Variants in EFR3A observed in about 807,000 individuals in gnomAD.
EFR3A encodes protein EFR3 homolog A.
In EFR3A, 76 loss-of-function variants were observed where a neutral mutation model predicts 104.4. The observed-to-expected ratio is 0.73, with a 90% CI of 0.60 to 0.88. The LOEUF (loss-of-function observed/expected upper bound fraction) is 0.88, where lower values mean the gene tolerates loss of function less well. EFR3A is among the 40% of genes least tolerant of loss of function. EFR3A has a pLI of 0.00. For missense variants in EFR3A, 985 were observed against 1,012.5 expected, an observed-to-expected ratio of 0.97 and a Z score of 0.37; for synonymous variants, 330 against 330.0, an observed-to-expected ratio of 1.00 and a Z score of 0.00.
rs1320111303 is a variant in EFR3A at position 132,012,029 on chromosome 8, A to G, written c.*1134A>G. ...CTCTACACATAACACTGACAGACCC[A>G]TAACATTACATACATCTTAGTGAAT... On this transcript the variant is annotated 3_prime_UTR_variant, in exon 23 of 23. Transcript: ENST00000254624. 6.6e-6 allele frequency: 1 copy of G among 152,154 alleles called. No individual in the cohort carries two copies. Among genetic ancestry groups the G allele is most frequent in the South Asian group, 2.1e-4 (1 of 4,832 alleles). The allele number at this position is 152,154 out of a possible 1,614,324, so 9.4% of individuals were successfully genotyped here. A position where few individuals can be genotyped will look rare whatever the true frequency, so the allele number is the denominator to read the frequency against.
chr8:131,975,608 G>A (rs1313398544), intron 10 of EFR3A, among the ~76,000 whole-genome samples: 1 of 151,710 alleles, frequency 6.6e-6, no homozygotes, highest in Non-Finnish European at 1.5e-5. Flanking sequence ...TAGAGACGAG[G>A]TTTCACCATG....
chr8:131,984,084 T>C (rs1820750967), intron 14 of EFR3A, 55 bp from the exon 15 acceptor site: 1 of 1,504,732 alleles, frequency 6.6e-7, no homozygotes, highest in African/African-American at 1.4e-5. Flanking sequence ...ATGTGAAATC[T>C]GCCTTTTCTA....
intron 1 of EFR3A, chr8:131,924,304 T>C: frequency 4.3e-6 from 1 of 232,052 alleles, no homozygotes; most frequent in South Asian, 4.1e-5. Flanking sequence ...TTAATATAAT[T>C]AATTTTTTCA....
chr8:131,912,792 T>C lies in EFR3A; in HGVS notation c.10+8470T>C, dbSNP rs116254381. 8.8e-3 allele frequency among the ~76,000 whole-genome samples: 1,337 copies of C among 152,314 alleles called. 23 individuals are homozygous for C. Among genetic ancestry groups the C allele is most frequent in the African/African-American group, 0.03 (1,264 of 41,586 alleles). On this transcript the variant is annotated intron_variant, in intron 1 of 22. Coordinates refer to ENST00000254624, the MANE Select transcript of EFR3A (RefSeq NM_015137.6). ...GACATGTTAAAATGCTGCTTTGAAC[T>C]GGTTTTTCTTTAGCCTGTAGAAAAG...
intron 19 of EFR3A, among the ~76,000 whole-genome samples, chr8:131,999,497 GATTATA>G (rs1447541504): frequency 6.6e-6 from 1 of 152,202 alleles, no homozygotes; most frequent in East Asian, 1.9e-4. Flanking sequence ...AAAAGTCATA[GATTATA>G]AAGGGAATGT....
chr8:131,993,277 A>G (rs777624480), intron 18 of EFR3A, among the ~76,000 whole-genome samples: 6 of 152,214 alleles, frequency 3.9e-5, no homozygotes, highest in Non-Finnish European at 7.3e-5. Flanking sequence ...GACTCGCTGT[A>G]CATAACTATA....
chr8:131,977,122 A>G lies in EFR3A; in HGVS notation c.1326+30A>G, dbSNP rs191508203. 324 of 1,519,132 alleles carry G rather than the reference A, an allele frequency of 2.1e-4. 1 individual carries two copies. The East Asian group carries it at 6.1e-3, about 28-fold the overall frequency. The allele number at this position is 1,519,132 out of a possible 1,614,324, so 94.1% of individuals were successfully genotyped here. On this transcript the variant is annotated intron_variant, in intron 12 of 22. Transcript: ENST00000254624. ...GGCATTTAAGACAAATAAAGGACACACTTAACCTTAAATTACTGAAAACAT... is the reference window on the plus strand; with the variant it reads ...GGCATTTAAGACAAATAAAGGACACGCTTAACCTTAAATTACTGAAAACAT...
intron 9 of EFR3A, among the ~76,000 whole-genome samples, chr8:131,970,264 A>G (rs973908072): frequency 6.6e-6 from 1 of 152,214 alleles, no homozygotes; most frequent in Admixed American, 6.5e-5. Context: ...AGTTGCTCAT[A>G]AATGCCCAGT....
intron 1 of EFR3A, among the ~76,000 whole-genome samples, chr8:131,911,612 G>T (rs78325516): frequency 6.6e-6 from 1 of 152,166 alleles, no homozygotes; most frequent in Non-Finnish European, 1.5e-5. Context: ...ATTAATTGGA[G>T]AAAAGGCATA....
intron 11 of EFR3A, 23 bp from the exon 12 acceptor site, chr8:131,977,018 A>G: frequency 6.5e-7 from 1 of 1,548,196 alleles, no homozygotes. Context: ...TAGTATAATA[A>G]TTCAGCCTTT....
At chr8:131,955,246 A>G (rs1177753716) in intron 6 of EFR3A, among the ~76,000 whole-genome samples, 1 of 152,164 alleles carries the variant, frequency 6.6e-6, no homozygotes, top group African/African-American at 2.4e-5. Flanking sequence ...CATTTTTAGA[A>G]TTATTATTCA....
At chr8:131,983,986 A>G (rs992299587) in intron 14 of EFR3A, among the ~76,000 whole-genome samples, 153 bp from the exon 15 acceptor site, 3 of 152,198 alleles carry the variant, frequency 2.0e-5, no homozygotes, top group Non-Finnish European at 2.9e-5. Flanking sequence ...TTTGATATTT[A>G]TAATTGAAAT....
intron 8 of EFR3A, 28 bp from the exon 9 acceptor site, chr8:131,968,267 C>T (rs1819864304): frequency 3.8e-6 from 6 of 1,596,264 alleles, no homozygotes; most frequent in African/African-American, 1.3e-5. Flanking sequence ...ACTTTTTATA[C>T]ATCTTTGTAC....
chr8:131,980,269 C>A (rs1253633174), intron 14 of EFR3A, among the ~76,000 whole-genome samples: 1 of 152,052 alleles, frequency 6.6e-6, no homozygotes, highest in Admixed American at 6.6e-5. Context: ...TCTGTCTTTA[C>A]CATTACTATT....
At chr8:131,988,798 G>A (rs13250211) in intron 18 of EFR3A, among the ~76,000 whole-genome samples, 4,275 of 152,130 alleles carry the variant, frequency 0.028, 135 homozygotes, top group South Asian at 0.13. Context: ...TAGGAAAATA[G>A]CTTAATAAAA....
At chr8:131,937,010 C>T (rs1441541325) in intron 1 of EFR3A, among the ~76,000 whole-genome samples, 1 of 152,140 alleles carries the variant, frequency 6.6e-6, no homozygotes, top group Non-Finnish European at 1.5e-5. Context: ...AAGTCCCCAT[C>T]CTCTGGTCAT....
Position 131,979,313 on chromosome 8 carries a change from A to G in EFR3A, c.1500-33A>G, listed in dbSNP as rs1186506767. The stretch of plus-strand genomic sequence containing the variant: ...ATGTGATATTGTAAATAAGTGTGCT[A>G]TTCATTAAAAATGATATATTGATCG... On this transcript the variant is annotated intron_variant, in intron 13 of 22. Coordinates refer to ENST00000254624, the MANE Select transcript of EFR3A (RefSeq NM_015137.6). 11 of 1,407,584 alleles carry G rather than the reference A, an allele frequency of 7.8e-6. No individual in the cohort carries two copies. In the African/African-American group the frequency reaches 1.0e-4, roughly 13 times the overall value. The allele number at this position is 1,407,584 out of a possible 1,614,324, so 87.2% of individuals were successfully genotyped here.
intron 14 of EFR3A, among the ~76,000 whole-genome samples, chr8:131,979,961 A>G (rs1466680964): frequency 2.0e-5 from 3 of 152,158 alleles, no homozygotes; most frequent in African/African-American, 7.2e-5. Context: ...TTAGAAGATT[A>G]TGATATTTAT....
intron 1 of EFR3A, among the ~76,000 whole-genome samples, chr8:131,933,393 T>G (rs4281097): frequency 6.6e-6 from 1 of 152,000 alleles, no homozygotes; most frequent in Non-Finnish European, 1.5e-5. Context: ...GGTTGCAGCT[T>G]TGGTTTCTCT....
Sources: gnomAD v4.1 joint callset for allele counts (sites outside exome capture counted in the v4.1 genomes callset) on GRCh38, gnomAD v4.1.1 for gene constraint, MANE v1.5 for transcripts, NCBI Gene and HGNC (gene_info 2026-07-23, HGNC 2026-07-21) for gene names.